The following TBL1XR1 variants were observed in gnomAD, a reference collection of about 807,000 sequenced individuals.
The protein encoded by TBL1XR1 is F-box-like/WD repeat-containing protein TBL1XR1.
TBL1XR1 carries 5 observed loss-of-function variants against 66.9 expected under a neutral mutation model. The ratio of observed to expected loss-of-function variants is 0.07; its 90% CI spans 0.04 to 0.16. The LOEUF (loss-of-function observed/expected upper bound fraction) is 0.16. Among genes scored for constraint, TBL1XR1 ranks in the 10% least tolerant of loss-of-function variants. The pLI, the probability that TBL1XR1 is intolerant of heterozygous loss-of-function variation, is 1.00. For missense variants in TBL1XR1, 238 were observed against 623.2 expected, an observed-to-expected ratio of 0.38 and a Z score of 6.58; for synonymous variants, 210 against 206.0, an observed-to-expected ratio of 1.02 and a Z score of -0.17.
chr3:177,032,245 G>GT (rs1173502633), intron 14 of TBL1XR1: 3 of 152,154 alleles, frequency 2.0e-5, no homozygotes, highest in Admixed American at 6.5e-5. Context: ...AAGGTTTGAG[G>GT]TTTTTTCTGA....
At chr3:177,198,423 CAGT>C (rs1279895143), upstream of TBL1XR1, among the ~76,000 whole-genome samples, 1 of 152,178 alleles carries the variant, frequency 6.6e-6, no homozygotes, top group South Asian at 2.1e-4. Context: ...GTGGCATCCA[CAGT>C]AGAAGTTTAT....
chr3:177,090,810 G>GAAATA (rs1722738060), intron 2 of TBL1XR1, among the ~76,000 whole-genome samples: 1 of 151,696 alleles, frequency 6.6e-6, no homozygotes. Flanking sequence ...ACTCCGTCTC[G>GAAATA]AAATAAAATA....
At chr3:177,197,561 C>G (rs1737031479), upstream of TBL1XR1, among the ~76,000 whole-genome samples, 1 of 144,498 alleles carries the variant, frequency 6.9e-6, no homozygotes, top group Non-Finnish European at 1.5e-5. Flanking sequence ...GCTCGCGAGG[C>G]CCGCGGCGGC....
chr3:177,180,904 G>A (rs1734741491), intron 1 of TBL1XR1, among the ~76,000 whole-genome samples: 1 of 151,912 alleles, frequency 6.6e-6, no homozygotes, highest in Non-Finnish European at 1.5e-5. Flanking sequence ...CTAGTTTTTT[G>A]TATTTTTAGT....
chr3:177,154,670 C>T lies in TBL1XR1; in HGVS notation c.-122+42451G>A, dbSNP rs546552574. On this transcript the variant is annotated intron_variant, in intron 1 of 15. Coordinates refer to ENST00000457928, the MANE Select transcript of TBL1XR1 (RefSeq NM_024665.7). ...TCAGCCTCCCGGAGTGCTAAGATTA[C>T]AGGCATGAGCCACCGCGCCCGGCCG... 2.6e-5 allele frequency among the ~76,000 whole-genome samples: 4 copies of T among 152,240 alleles called. No homozygotes were observed. In the East Asian group the frequency reaches 5.8e-4, roughly 22 times the overall value.
intron 14 of TBL1XR1, 35 bp from the exon 15 acceptor site, chr3:177,026,509 A>G: frequency 7.0e-7 from 1 of 1,437,016 alleles, no homozygotes; most frequent in Non-Finnish European, 9.5e-7. Context: ...TAAAAATCGT[A>G]ATACATATTA....
intron 10 of TBL1XR1, among the ~76,000 whole-genome samples, chr3:177,040,011 AAACTT>A (rs1281437591): frequency 1.3e-5 from 2 of 152,164 alleles, no homozygotes; most frequent in African/African-American, 2.4e-5. Flanking sequence ...TTTAAAGAAA[AAACTT>A]AAAGGGGAAA....
At chr3:177,166,725 T>C (rs1178984444) in intron 1 of TBL1XR1, among the ~76,000 whole-genome samples, 1 of 152,218 alleles carries the variant, frequency 6.6e-6, no homozygotes, top group Non-Finnish European at 1.5e-5. Flanking sequence ...TTTGGGGCTG[T>C]TCTCTATAGC....
intron 1 of TBL1XR1, among the ~76,000 whole-genome samples, chr3:177,192,697 G>C (rs188185380): frequency 6.6e-6 from 1 of 152,308 alleles, no homozygotes; most frequent in African/African-American, 2.4e-5. Flanking sequence ...CAAATAAAAT[G>C]TAATACAAAG....
chr3:177,139,109 A>G (rs1025502360), intron 1 of TBL1XR1, among the ~76,000 whole-genome samples: 4 of 152,230 alleles, frequency 2.6e-5, no homozygotes, highest in African/African-American at 9.7e-5. Flanking sequence ...CAGCGAACAG[A>G]CAAACATATT....
intron 1 of TBL1XR1, among the ~76,000 whole-genome samples, chr3:177,129,159 A>G (rs1015199491): frequency 2.1e-4 from 32 of 152,208 alleles, no homozygotes; most frequent in African/African-American, 7.5e-4. Flanking sequence ...GGCCACAAAA[A>G]ATTGTATTAT....
intron 2 of TBL1XR1, among the ~76,000 whole-genome samples, chr3:177,065,952 G>A (rs1719103708): frequency 6.6e-6 from 1 of 151,720 alleles, no homozygotes; most frequent in Admixed American, 6.6e-5. Context: ...TTTTTCCTAA[G>A]CACTTATAAA....
At chr3:177,174,094 AATTT>A (rs1376074519) in intron 1 of TBL1XR1, among the ~76,000 whole-genome samples, 3 of 152,226 alleles carry the variant, frequency 2.0e-5, no homozygotes, top group Non-Finnish European at 2.9e-5. Flanking sequence ...ATAAGCATCT[AATTT>A]ATTTATCCCT....
intron 2 of TBL1XR1, among the ~76,000 whole-genome samples, chr3:177,081,982 C>T (rs4857814): frequency 0.22 from 33,620 of 151,918 alleles, 4,057 homozygotes; most frequent in East Asian, 0.5. Context: ...AGCTGGTACA[C>T]AGTGTGAAAC....
At chr3:177,105,475 A>C (rs1006477760) in intron 1 of TBL1XR1, among the ~76,000 whole-genome samples, 3 of 152,216 alleles carry the variant, frequency 2.0e-5, no homozygotes, top group Admixed American at 6.5e-5. Context: ...TTAAGTTAGA[A>C]AAGAAAACTG....
intron 1 of TBL1XR1, among the ~76,000 whole-genome samples, chr3:177,148,556 A>C (rs1204302868): frequency 3.9e-5 from 6 of 152,022 alleles, no homozygotes; most frequent in Non-Finnish European, 7.4e-5. Flanking sequence ...TCTACTAAAA[A>C]TACAAAAAAT....
chr3:177,157,454 A>G (rs1050968144), intron 1 of TBL1XR1, among the ~76,000 whole-genome samples: 15 of 152,148 alleles, frequency 9.9e-5, no homozygotes, highest in Non-Finnish European at 1.9e-4. Context: ...TTAGTATATA[A>G]TACTATAAAA....
rs1040451115 is a variant in TBL1XR1 at position 177,024,519 on chromosome 3, G to A, written c.*979C>T. On this transcript the variant is annotated 3_prime_UTR_variant, in exon 16 of 16. Transcript: ENST00000457928. ...CAAACAACAAAAAACCCAAAACTAC[G>A]TTGCTCCTTTTCACAATAGTGCACA... is the stretch of plus-strand genomic sequence containing the variant. The A allele has an allele frequency of 2.0e-5, 3 of 151,900 alleles. No individual in the cohort carries two copies. Among genetic ancestry groups the A allele is most frequent in the Non-Finnish European group, 4.4e-5 (3 of 67,874 alleles). The allele number at this position is 151,900 out of a possible 1,614,324, so 9.4% of individuals were successfully genotyped here.
intron 1 of TBL1XR1, among the ~76,000 whole-genome samples, chr3:177,114,399 T>TC (rs1726040663): frequency 1.3e-5 from 2 of 151,770 alleles, no homozygotes; most frequent in Admixed American, 1.3e-4. Flanking sequence ...GACCTCCACC[T>TC]CCCCAACCCC....
Sources: gnomAD v4.1 joint callset for allele counts (sites outside exome capture counted in the v4.1 genomes callset) on GRCh38, gnomAD v4.1.1 for gene constraint, MANE v1.5 for transcripts, NCBI Gene and HGNC (gene_info 2026-07-23, HGNC 2026-07-21) for gene names.